PIK3C3: variants seen among roughly 807,000 people sequenced by gnomAD.
The protein encoded by PIK3C3 is PI3-kinase type 3.
A neutral mutation model predicts 126.1 loss-of-function variants in PIK3C3; 95 were observed. The observed-to-expected ratio is 0.75, with a 90% confidence interval of 0.64 to 0.89. PIK3C3 has a LOEUF of 0.89. Ranked by LOEUF, PIK3C3 falls within the 40% of genes least tolerant of loss-of-function variation. PIK3C3 has a pLI of 0.00. For synonymous variants in PIK3C3, 374 were observed against 360.0 expected (o/e 1.04, Z -0.44); for missense variants, 829 against 1,063.2 (o/e 0.78, Z 3.06).
intron 4 of PIK3C3, among the ~76,000 whole-genome samples, chr18:41,974,687 C>G (rs1019241901): frequency 2.0e-5 from 3 of 151,814 alleles, no homozygotes; most frequent in African/African-American, 7.3e-5. Context: ...ATTAAACTTT[C>G]CTTGTCCATG....
At chr18:42,052,977 A>C (rs1211553753) in intron 21 of PIK3C3, 2 of 152,124 alleles carry the variant, frequency 1.3e-5, no homozygotes, top group African/African-American at 4.8e-5. Context: ...TGCCAGCCCA[A>C]GCAGGTTTAG....
At chr18:41,982,065 A>G (rs369390181) in intron 4 of PIK3C3, among the ~76,000 whole-genome samples, 1 of 152,092 alleles carries the variant, frequency 6.6e-6, no homozygotes, top group East Asian at 1.9e-4. Context: ...TTTTTTAGTA[A>G]TATAATTCTA....
intron 14 of PIK3C3, among the ~76,000 whole-genome samples, chr18:42,027,979 CAAA>C (rs1293788349): frequency 3.3e-5 from 5 of 151,916 alleles, no homozygotes; most frequent in Admixed American, 3.3e-4. Context: ...GAAAAGAAAT[CAAA>C]AGAAGAAGAA....
chr18:41,967,212 T>C (rs995727947), intron 3 of PIK3C3, among the ~76,000 whole-genome samples: 6 of 151,978 alleles, frequency 3.9e-5, no homozygotes, highest in Non-Finnish European at 7.4e-5. Context: ...AGTGCAGACA[T>C]CTCCTTATGC....
At chr18:42,068,790 A>T (rs1985649594) in intron 24 of PIK3C3, among the ~76,000 whole-genome samples, 1 of 151,968 alleles carries the variant, frequency 6.6e-6, no homozygotes, top group Non-Finnish European at 1.5e-5. Flanking sequence ...CTCTACTAAA[A>T]ATACAAAAAA....
At position 42,081,689 on chromosome 18, in the gene PIK3C3, T is replaced by G. The variant is rs1197769950; in HGVS notation, c.*552T>G. Reference sequence around the variant, plus strand: ...TTTTACATGTGATGGCTCATTCTTCTGCAGTTCAAGAATTGCTTATATTTT... The same window carrying G: ...TTTTACATGTGATGGCTCATTCTTCGGCAGTTCAAGAATTGCTTATATTTT... On this transcript the variant is annotated 3_prime_UTR_variant, in exon 25 of 25. Transcript: ENST00000262039. 1.3e-5 allele frequency: 2 copies of G among 152,498 alleles called. No homozygotes were observed. The allele number at this position is 152,498 out of a possible 1,614,324, so 9.4% of individuals were successfully genotyped here.
chr18:42,037,162 G>A (rs1057007145), intron 16 of PIK3C3, among the ~76,000 whole-genome samples: 1 of 152,122 alleles, frequency 6.6e-6, no homozygotes, highest in Non-Finnish European at 1.5e-5. Context: ...TACTCAACCT[G>A]TAGTATACTT....
chr18:42,038,981 C>A, intron 18 of PIK3C3, 131 bp downstream of exon 18: 2 of 607,248 alleles, frequency 3.3e-6, no homozygotes, highest in Non-Finnish European at 5.9e-6. Context: ...GTTGGACCTT[C>A]CTGCCTGCTT....
At chr18:42,015,967 A>G (rs1034390562) in intron 12 of PIK3C3, among the ~76,000 whole-genome samples, 3 of 152,202 alleles carry the variant, frequency 2.0e-5, no homozygotes, top group Non-Finnish European at 4.4e-5. Flanking sequence ...AACTATACAT[A>G]TAAGTAGACA....
At position 42,013,548 on chromosome 18, in the gene PIK3C3, T is replaced by G; in HGVS notation, c.1277T>G (p.Val426Gly). ...EPTKKDSQSSVSENVSNSGIN... is the reference protein window; with the variant it reads ...EPTKKDSQSSGSENVSNSGIN... Reference sequence around the variant, plus strand: ...ACCAAGAAGGATAGTCAGAGTTCAGTGTCAGAAAATGTGTCAAATTCTGGA... The same window carrying G: ...ACCAAGAAGGATAGTCAGAGTTCAGGGTCAGAAAATGTGTCAAATTCTGGA... The change falls in exon 11 of 25, where the codon GTG becomes GGG. Residue 426 changes from valine to glycine, a missense_variant. Coordinates refer to ENST00000262039, the MANE Select transcript of PIK3C3 (RefSeq NM_002647.4). 1 of 1,603,992 alleles carries G rather than the reference T, an allele frequency of 6.2e-7. No homozygotes were observed. The highest frequency in any genetic ancestry group is 8.5e-7 in the Non-Finnish European group (1 of 1,173,854).
At chr18:42,076,127 T>TATATATATATATATGCAC (rs1985990048) in intron 24 of PIK3C3, among the ~76,000 whole-genome samples, 1 of 75,848 alleles carries the variant, frequency 1.3e-5, no homozygotes, top group African/African-American at 6.8e-5. Context: ...TATATGCGCA[T>TATATATATATATATGCAC]ATATATATAT....
At chr18:42,014,253 C>T (rs867613472) in intron 11 of PIK3C3, among the ~76,000 whole-genome samples, 1 of 146,972 alleles carries the variant, frequency 6.8e-6, no homozygotes, top group Admixed American at 6.8e-5. Flanking sequence ...AATAGAAGGA[C>T]GGAGCATGCT....
chr18:41,987,336 A>G (rs1981532903), intron 4 of PIK3C3, among the ~76,000 whole-genome samples: 1 of 152,124 alleles, frequency 6.6e-6, no homozygotes, highest in Non-Finnish European at 1.5e-5. Flanking sequence ...AAATTAAAGC[A>G]TACATGCATA....
intron 5 of PIK3C3, 52 bp downstream of exon 5, chr18:41,987,950 T>G (rs1416674477): frequency 9.0e-7 from 1 of 1,115,050 alleles, no homozygotes; most frequent in Non-Finnish European, 1.3e-6. Flanking sequence ...ATTTTTAAAT[T>G]AACAATTTTT....
At chr18:42,056,054 G>C (rs1399615376) in intron 21 of PIK3C3, among the ~76,000 whole-genome samples, 1 of 151,910 alleles carries the variant, frequency 6.6e-6, no homozygotes, top group Non-Finnish European at 1.5e-5. Context: ...ATTCGAATAA[G>C]ATCATACTCT....
chr18:42,079,097 G>A (rs190111334), intron 24 of PIK3C3, among the ~76,000 whole-genome samples: 6 of 152,330 alleles, frequency 3.9e-5, no homozygotes, highest in Non-Finnish European at 7.3e-5. Context: ...TGATGCGAGA[G>A]TCTTAACTTT....
chr18:41,993,451 C>A (rs1981878306), intron 7 of PIK3C3, 110 bp downstream of exon 7: 1 of 657,826 alleles, frequency 1.5e-6, no homozygotes, highest in Admixed American at 2.7e-5. Context: ...GCCTCCGTTA[C>A]CTAAAAGTGA....
At chr18:41,989,749 C>T (rs1434771533) in intron 5 of PIK3C3, among the ~76,000 whole-genome samples, 6 of 152,088 alleles carry the variant, frequency 3.9e-5, no homozygotes, top group Admixed American at 6.6e-5. Flanking sequence ...GATGTTTACA[C>T]GACTAAATTG....
chr18:42,044,417 T>C (rs965997413), intron 20 of PIK3C3, among the ~76,000 whole-genome samples: 22 of 152,052 alleles, frequency 1.4e-4, no homozygotes, highest in Admixed American at 9.8e-4. Flanking sequence ...TTTCTTTTCC[T>C]TTTTTCCTGG....
Sources: gnomAD v4.1 joint callset for allele counts (sites outside exome capture counted in the v4.1 genomes callset) on GRCh38, gnomAD v4.1.1 for gene constraint, MANE v1.5 for transcripts, NCBI Gene and HGNC (gene_info 2026-07-23, HGNC 2026-07-21) for gene names.